AUP1: variants seen among roughly 807,000 people sequenced by gnomAD.
AUP1 encodes AUP1 lipid droplet regulating VLDL assembly factor.
AUP1 carries 30 observed loss-of-function variants against 51.8 expected under a neutral mutation model. The observed-to-expected ratio is 0.58, with a 90% CI of 0.43 to 0.79. AUP1 has a LOEUF of 0.79. Ranked by LOEUF, AUP1 falls within the 30% of genes least tolerant of loss-of-function variation. The pLI is 0.00. For missense variants in AUP1, 492 were observed against 517.1 expected, an observed-to-expected ratio of 0.95 and a Z score of 0.47; for synonymous variants, 227 against 209.0, an observed-to-expected ratio of 1.09 and a Z score of -0.74.
rs535031131 is a variant in AUP1, at chr2:74,529,057, G to A, written c.339+75C>T. ...GCTCAGTATCCTCCATGGGGAACGC[G>A]AGTGGGGACAGGGGGGCCTTCAGCT... On this transcript the variant is annotated intron_variant, in intron 3 of 11. Transcript: ENST00000377526. The A allele has an allele frequency of 2.5e-5, 41 of 1,609,308 alleles. No homozygotes were observed. The South Asian group carries it at 3.7e-4, about 15-fold the overall frequency.
chr2:74,527,543 G>A lies in AUP1; in HGVS notation c.889C>T (p.Leu297=), dbSNP rs1334902987. 1 of 1,613,832 alleles carries A rather than the reference G, an allele frequency of 6.2e-7. No homozygotes were observed. The highest frequency in any genetic ancestry group is 1.3e-5 in the African/African-American group (1 of 74,874). ...PSPGPSPDVQ[L]ATLAQRVKEV... is the part of the protein sequence containing the mutation. ...TTGACTCTCTGAGCCAGAGTTGCCA[G>A]TTGCACATCAGGAGAAGGACCAGGG... Residue 297 remains leucine, a synonymous_variant, in exon 9 of 12, where the codon CTG becomes TTG. Coordinates refer to ENST00000377526, the MANE Select transcript of AUP1 (RefSeq NM_181575.5).
Position 74,529,274 on chromosome 2 carries a change from A to C in AUP1, c.197T>G (p.Val66Gly). The change falls in exon 3 of 12, where the codon GTG becomes GGG. Residue 66 changes from valine (V) to glycine (G), a missense_variant. Physicochemically the swap from Val to Gly is moderately radical, Grantham distance 109. Transcript: ENST00000377526. Reference sequence around the variant, plus strand: ...CCCTAGCACCGCACACATGGTCCGCACTACGAATCTGGGGACACAGGAGGT... The same window carrying C: ...CCCTAGCACCGCACACATGGTCCGCCCTACGAATCTGGGGACACAGGAGGT... ...LPDSVLRRFVVRTMCAVLGLV... is the reference protein window; with the variant it reads ...LPDSVLRRFVGRTMCAVLGLV... 1 of 1,614,210 alleles carries C rather than the reference A, an allele frequency of 6.2e-7. No individual in the cohort carries two copies. The highest frequency in any genetic ancestry group is 8.5e-7 in the Non-Finnish European group (1 of 1,180,024).
chr2:74,527,430 C>G (rs1166280559), intron 9 of AUP1, 41 bp downstream of exon 9: 55 of 1,610,682 alleles, frequency 3.4e-5, no homozygotes, highest in Non-Finnish European at 4.7e-5. Context: ...ACTTTTCCTC[C>G]CTGTGCCCAT....
In AUP1 at chr2:74,528,635, A is replaced by G. The variant is rs1572990597; in HGVS notation, c.524+116T>C. On this transcript the variant is annotated intron_variant, in intron 4 of 11. Coordinates refer to ENST00000377526, the MANE Select transcript of AUP1 (RefSeq NM_181575.5). ...AGGAGAAAGAACTTAAAGTGGACAGAAAGGAAATGAACTGGAGATGATGGG... is the reference window on the plus strand; with the variant it reads ...AGGAGAAAGAACTTAAAGTGGACAGGAAGGAAATGAACTGGAGATGATGGG... The G allele has an allele frequency of 1.2e-5, 17 of 1,409,650 alleles. No individual in the cohort carries two copies. In the East Asian group the frequency reaches 3.8e-4, roughly 32 times the overall value. The allele number at this position is 1,409,650 out of a possible 1,614,324, so 87.3% of individuals were successfully genotyped here.
At chr2:74,526,860 T>C (rs757287322) in intron 11 of AUP1, 24 bp from the exon 12 acceptor site, 1 of 1,589,978 alleles carries the variant, frequency 6.3e-7, no homozygotes, top group Non-Finnish European at 8.6e-7. Context: ...GGAGAGATAT[T>C]ATTCAGGCTT....
In AUP1 at chr2:74,527,927, T is replaced by C. The variant is rs1675273166; in HGVS notation, c.738+13A>G. 1.2e-6 allele frequency: 2 copies of C among 1,614,162 alleles called. No homozygotes were observed. Among genetic ancestry groups the C allele is most frequent in the African/African-American group, 1.3e-5 (1 of 75,038 alleles). ...AGGGACCCCGCCTCCACCCTGTCTG[T>C]GCACCCGACCACCTGTTGTACACGG... is the stretch of plus-strand genomic sequence containing the variant. On this transcript the variant is annotated intron_variant, in intron 7 of 11. Transcript: ENST00000377526.
In AUP1 at chr2:74,529,676, C is replaced by T; in HGVS notation, c.-47G>A. The T allele has an allele frequency of 1.9e-6, 3 of 1,542,170 alleles. No individual in the cohort carries two copies. Among genetic ancestry groups the T allele is most frequent in the South Asian group, 1.2e-5 (1 of 83,952 alleles). On this transcript the variant is annotated 5_prime_UTR_variant, in exon 1 of 12. Transcript: ENST00000377526. ...CGGCCGTCGCCGCCGCCGCCATTTT[C>T]GCGCCCGGCCGCAGGGGCTCTTGGG...
intron 3 of AUP1, 81 bp from the exon 4 acceptor site, chr2:74,529,016 C>T (rs754588945): frequency 6.2e-7 from 1 of 1,603,726 alleles, no homozygotes; most frequent in Non-Finnish European, 8.5e-7. Context: ...GGTAGAGGAT[C>T]GGGGTTAGGG....
intron 3 of AUP1, 91 bp downstream of exon 3, chr2:74,529,041 C>G (rs768931675): frequency 5.0e-6 from 8 of 1,606,844 alleles, no homozygotes; most frequent in Non-Finnish European, 6.8e-6. Context: ...GGCTCAGTAT[C>G]CTCCATGGGG....
Position 74,527,831 on chromosome 2 carries a change from G to C in AUP1, c.746C>G (p.Ala249Gly). ...EFALRVQQLV[A>G]KELGQTGTRL... ...TGTCCCTGTCTGGCCCAATTCCTTG[G>C]CCACCAGCTAGGGAGAATTGGAAGA... The change falls in exon 8 of 12, where the codon GCC (alanine) becomes GGC (glycine). Residue 249 changes from alanine to glycine, a missense_variant. Physicochemically the swap from Ala to Gly is moderately conservative, Grantham distance 60. Coordinates refer to ENST00000377526, the MANE Select transcript of AUP1 (RefSeq NM_181575.5). 1 of 1,614,070 alleles carries C rather than the reference G, an allele frequency of 6.2e-7. No individual in the cohort carries two copies. The highest frequency in any genetic ancestry group is 8.5e-7 in the Non-Finnish European group (1 of 1,180,006).
In AUP1 at chr2:74,528,483, C is replaced by T. The variant is rs1273701698; in HGVS notation, c.531G>A (p.Trp177Ter). 1.9e-6 allele frequency: 3 copies of T among 1,612,740 alleles called. No individual in the cohort carries two copies. Among genetic ancestry groups the T allele is most frequent in the Non-Finnish European group, 2.5e-6 (3 of 1,179,166 alleles). Residue 177 changes from tryptophan to a stop codon, truncating the protein, a stop_gained, in exon 5 of 12, where the codon TGG (tryptophan) becomes TGA (stop). Coordinates refer to ENST00000377526, the MANE Select transcript of AUP1 (RefSeq NM_181575.5). LOFTEE classifies it high-confidence loss of function. The stretch of plus-strand genomic sequence containing the variant: ...GTACCACATCTTGGATAGAAAATGG[C>T]CAGGAACTAGAAGAGGAAGGAGAAA... ...GREGLLRFSS[W>*]PFSIQDVVQP...
intron 10 of AUP1, 42 bp downstream of exon 10, chr2:74,527,206 A>C (rs763884517): frequency 6.9e-6 from 11 of 1,604,012 alleles, no homozygotes; most frequent in South Asian, 1.1e-5. Context: ...CCTGCCCCCA[A>C]CTCACCCCAA....
At chr2:74,527,186 G>C in intron 10 of AUP1, 62 bp downstream of exon 10, 2 of 1,599,696 alleles carry the variant, frequency 1.3e-6, no homozygotes, top group Non-Finnish European at 1.7e-6. Flanking sequence ...AGGGATAAGG[G>C]AGTACATAGC....
chr2:74,529,066 CA>C (rs1675366885), intron 3 of AUP1, 65 bp downstream of exon 3: 5 of 1,611,890 alleles, frequency 3.1e-6, no homozygotes, highest in East Asian at 2.2e-5. Context: ...CGAGTGGGGA[CA>C]GGGGGGCCTT....
chr2:74,528,860 C>T lies in AUP1; in HGVS notation c.415G>A (p.Val139Met), dbSNP rs2104357293. ...GCACAGAATCTCTTGAGTGACTCCACCAACTCCCCCCGCCCATTCATCTCC... is the reference window on the plus strand; with the variant it reads ...GCACAGAATCTCTTGAGTGACTCCATCAACTCCCCCCGCCCATTCATCTCC... ...FMEMNGRGEL[V>M]ESLKRFCAST... is the part of the protein sequence containing the mutation. Residue 139 changes from valine (V) to methionine (M), a missense_variant, in exon 4 of 12, where the codon GTG becomes ATG. Val to Met is a conservative substitution (Grantham distance 21). Transcript: ENST00000377526. The T allele has an allele frequency of 6.2e-7, 1 of 1,614,136 alleles. No individual in the cohort carries two copies.
At position 74,527,513 on chromosome 2, in the gene AUP1, C is replaced by T. The variant is rs768073835; in HGVS notation, c.919G>A (p.Val307Ile). ...ACACCCAATGGCACATGGGGCAAAACTTCCTTGACTCTCTGAGCCAGAGTT... is the reference window on the plus strand; with the variant it reads ...ACACCCAATGGCACATGGGGCAAAATTTCCTTGACTCTCTGAGCCAGAGTT... ...LATLAQRVKEVLPHVPLGVIQ... is the reference protein window; with the variant it reads ...LATLAQRVKEILPHVPLGVIQ... The change falls in exon 9 of 12, where the codon GTT becomes ATT. Residue 307 changes from valine to isoleucine, a missense_variant. Val to Ile is a conservative substitution (Grantham distance 29). Transcript: ENST00000377526. 1 of 1,613,994 alleles carries T rather than the reference C, an allele frequency of 6.2e-7. No homozygotes were observed. The highest frequency in any genetic ancestry group is 8.5e-7 in the Non-Finnish European group (1 of 1,179,980).
At position 74,528,760 on chromosome 2, in the gene AUP1, A is replaced by T; in HGVS notation, c.515T>A (p.Leu172Gln). 2 of 1,600,098 alleles carry T rather than the reference A, an allele frequency of 1.2e-6. No homozygotes were observed. Among genetic ancestry groups the T allele is most frequent in the Non-Finnish European group, 1.7e-6 (2 of 1,173,154 alleles). ...CCTGTGCTAAACCCACCTGAAGCGC[A>T]GGAGCCCCTCCCGGCCATTGGTGGC... ...EEATNGREGL[L>Q]RFSSWPFSIQ... is the part of the protein sequence containing the mutation. Residue 172 changes from leucine (L) to glutamine (Q), a missense_variant, in exon 4 of 12, where the codon CTG (leucine) becomes CAG (glutamine). Physicochemically the swap from Leu to Gln is moderately radical, Grantham distance 113. Coordinates refer to ENST00000377526, the MANE Select transcript of AUP1 (RefSeq NM_181575.5).
In AUP1 at chr2:74,529,119, C is replaced by T. The variant is rs1393541537; in HGVS notation, c.339+13G>A. The T allele has an allele frequency of 6.2e-7, 1 of 1,614,182 alleles. No homozygotes were observed. The highest frequency in any genetic ancestry group is 8.5e-7 in the Non-Finnish European group (1 of 1,180,018). ...AACCGCCCCGTGGCGCTCTCGGCCTCGCTCTCACTCACGGTGCTACAGGTG... is the reference window on the plus strand; with the variant it reads ...AACCGCCCCGTGGCGCTCTCGGCCTTGCTCTCACTCACGGTGCTACAGGTG... On this transcript the variant is annotated intron_variant, in intron 3 of 11. Coordinates refer to ENST00000377526, the MANE Select transcript of AUP1 (RefSeq NM_181575.5).
intron 7 of AUP1, 34 bp downstream of exon 7, chr2:74,527,906 A>T: frequency 6.2e-7 from 1 of 1,613,632 alleles, no homozygotes; most frequent in South Asian, 1.1e-5. Flanking sequence ...CTAAGCAGGG[A>T]CCCCGCCTCC....
Sources: gnomAD v4.1 joint callset for allele counts on GRCh38, gnomAD v4.1.1 for gene constraint, MANE v1.5 for transcripts, NCBI Gene and HGNC (gene_info 2026-07-23, HGNC 2026-07-21) for gene names.